BRWD1: variants seen among roughly 807,000 people sequenced by gnomAD.
The protein encoded by BRWD1 is bromodomain and WD repeat domain containing 1.
In BRWD1, 82 loss-of-function variants were observed where a neutral mutation model predicts 251.2. The ratio of observed to expected loss-of-function variants is 0.33; its 90% CI spans 0.27 to 0.39. The LOEUF (loss-of-function observed/expected upper bound fraction) is 0.39, where lower values mean the gene tolerates loss of function less well. Ranked by LOEUF, BRWD1 falls within the 10% of genes least tolerant of loss-of-function variation. The probability of loss-of-function intolerance (pLI) is 1.00; values close to 1 mark genes in which losing one functional copy is unlikely to be tolerated. For missense variants in BRWD1, 2,233 were observed against 2,711.6 expected, an observed-to-expected ratio of 0.82 and a Z score of 3.92; for synonymous variants, 918 against 902.8, an observed-to-expected ratio of 1.02 and a Z score of -0.30.
intron 12 of BRWD1, among the ~76,000 whole-genome samples, 191 bp from the exon 13 acceptor site, chr21:39,274,663 G>A (rs1169686942): frequency 6.6e-6 from 1 of 152,168 alleles, no homozygotes; most frequent in African/African-American, 2.4e-5. Flanking sequence ...GCTATGATTT[G>A]CCCGGCCCTA....
intron 18 of BRWD1, among the ~76,000 whole-genome samples, chr21:39,256,439 A>T (rs2034565013): frequency 6.6e-6 from 1 of 152,234 alleles, no homozygotes; most frequent in African/African-American, 2.4e-5. Context: ...ATGGTTATTA[A>T]AAAGTCAAAC....
In BRWD1 at chr21:39,189,531, G is replaced by T. The variant is rs1298949763; in HGVS notation, c.*6728C>A. On this transcript the variant is annotated 3_prime_UTR_variant, in exon 41 of 41. Coordinates refer to ENST00000342449, the MANE Select transcript of BRWD1 (RefSeq NM_033656.4). ...TTTTAAAAAATACTTAAGGAAATTT[G>T]AACTTCAGTAACTATGCCCAAGGGA... The T allele has an allele frequency of 2.0e-6, 2 of 981,994 alleles. No homozygotes were observed. Among genetic ancestry groups the T allele is most frequent in the Non-Finnish European group, 2.4e-6 (2 of 827,092 alleles). The allele number at this position is 981,994 out of a possible 1,614,324, so 60.8% of individuals were successfully genotyped here.
chr21:39,207,291 C>T (rs1229495728), intron 36 of BRWD1, among the ~76,000 whole-genome samples: 1 of 151,826 alleles, frequency 6.6e-6, no homozygotes, highest in African/African-American at 2.4e-5. Flanking sequence ...AATAATTAGC[C>T]GGGCATGGTG....
At chr21:39,204,206 G>A (rs939711583) in intron 37 of BRWD1, among the ~76,000 whole-genome samples, 2 of 148,598 alleles carry the variant, frequency 1.3e-5, no homozygotes, top group Non-Finnish European at 3.0e-5. Flanking sequence ...GGAAGGGGAT[G>A]GAAGGAAGCT....
chr21:39,296,998 A>G (rs2035978862), intron 5 of BRWD1: 20 of 985,272 alleles, frequency 2.0e-5, no homozygotes, highest in Admixed American at 6.2e-5. Context: ...AATAAATTAT[A>G]TAGCTTTCCC....
chr21:39,269,828 C>G, intron 15 of BRWD1, 71 bp downstream of exon 15: 2 of 1,292,368 alleles, frequency 1.5e-6, no homozygotes, highest in African/African-American at 1.5e-5. Flanking sequence ...CAATTTCTGG[C>G]TAAGCCGCAT....
In BRWD1 at chr21:39,190,252, C is replaced by T. The variant is rs1356815611; in HGVS notation, c.*6007G>A. 1 of 981,306 alleles carries T rather than the reference C, an allele frequency of 1.0e-6. No individual in the cohort carries two copies. Among genetic ancestry groups the T allele is most frequent in the Non-Finnish European group, 1.2e-6 (1 of 826,676 alleles). The allele number at this position is 981,306 out of a possible 1,614,324, so 60.8% of individuals were successfully genotyped here. On this transcript the variant is annotated 3_prime_UTR_variant, in exon 41 of 41. Transcript: ENST00000342449. The stretch of plus-strand genomic sequence containing the variant: ...AGACTTTTTTTTAATTTTTAAGCTA[C>T]CTTATTTACAGATTCTGCACAATAT...
chr21:39,199,193 A>C lies in BRWD1; in HGVS notation c.5223T>G (p.His1741Gln). Residue 1741 changes from histidine (H) to glutamine (Q), a missense_variant, in exon 40 of 41, where the codon CAT becomes CAG. Around this residue, in one of 12 missense-constraint regions of BRWD1, gnomAD observed 928 missense variants for 970.0 expected, o/e 0.96. Transcript: ENST00000342449. ...KNWHANGYKS[H>Q]TPAPSKTKFL... ...ATTTTGTCTTTGAAGGTGCTGGAGT[A>C]TGGGACTTGTAACCATTAGCATGCC... 6.2e-7 allele frequency: 1 copy of C among 1,614,194 alleles called. No individual in the cohort carries two copies. Among genetic ancestry groups the C allele is most frequent in the Non-Finnish European group, 8.5e-7 (1 of 1,180,040 alleles).
At chr21:39,197,465 A>G in intron 40 of BRWD1, 50 bp from the exon 41 acceptor site, 1 of 1,402,798 alleles carries the variant, frequency 7.1e-7, no homozygotes, top group Non-Finnish European at 9.7e-7. Context: ...GTCTAAAGGA[A>G]TTATATGTTC....
intron 22 of BRWD1, among the ~76,000 whole-genome samples, 194 bp downstream of exon 22, chr21:39,238,285 C>CAAAAAAAAAA (rs58179212): frequency 1.6e-5 from 2 of 122,368 alleles, no homozygotes; most frequent in African/African-American, 3.0e-5. Context: ...TGCTTAAAGT[C>CAAAAAAAAAA]AAAAAAAAAA....
upstream of BRWD1, chr21:39,313,818 C>T (rs923639313): frequency 1.1e-5 from 4 of 356,230 alleles, no homozygotes; most frequent in Admixed American, 1.1e-4. Context: ...AGGCAAAGAC[C>T]TGGGCGCCGC....
At chr21:39,262,383 C>A (rs1476932728) in intron 17 of BRWD1, among the ~76,000 whole-genome samples, 1 of 152,166 alleles carries the variant, frequency 6.6e-6, no homozygotes, top group Non-Finnish European at 1.5e-5. Context: ...TAATGAATCT[C>A]AAAAGCACCA....
intron 7 of BRWD1, 127 bp downstream of exon 7, chr21:39,295,616 C>T: frequency 1.6e-6 from 1 of 643,652 alleles, no homozygotes; most frequent in South Asian, 3.8e-5. Context: ...ATTCGTGAGA[C>T]CCACACCATA....
intron 8 of BRWD1, among the ~76,000 whole-genome samples, chr21:39,290,835 A>G (rs756268559): frequency 3.3e-5 from 5 of 152,196 alleles, no homozygotes; most frequent in Non-Finnish European, 7.4e-5. Context: ...AACTTCCAAA[A>G]TAAAACACTA....
chr21:39,254,947 C>T (rs914290749), intron 19 of BRWD1, among the ~76,000 whole-genome samples: 2 of 152,036 alleles, frequency 1.3e-5, no homozygotes, highest in African/African-American at 2.4e-5. Context: ...TACTGAGAAA[C>T]CAAGGTACGG....
intron 27 of BRWD1, among the ~76,000 whole-genome samples, chr21:39,227,940 C>A (rs1014737926): frequency 3.9e-5 from 6 of 152,118 alleles, no homozygotes; most frequent in South Asian, 2.1e-4. Flanking sequence ...TGAAAATAAT[C>A]TTTTCCAAAC....
intron 10 of BRWD1, 87 bp from the exon 11 acceptor site, chr21:39,277,438 A>G: frequency 1.2e-6 from 1 of 840,590 alleles, no homozygotes; most frequent in Non-Finnish European, 1.7e-6. Context: ...ATAAAAAAGA[A>G]AGATCATTTA....
At chr21:39,214,700 A>G (rs2032808153) in intron 32 of BRWD1, among the ~76,000 whole-genome samples, 1 of 152,130 alleles carries the variant, frequency 6.6e-6, no homozygotes, top group Admixed American at 6.5e-5. Context: ...ACTAGATGAA[A>G]GGCAAATGGC....
chr21:39,255,276 G>T (rs2034524730), intron 19 of BRWD1, among the ~76,000 whole-genome samples: 1 of 152,036 alleles, frequency 6.6e-6, no homozygotes, highest in Admixed American at 6.6e-5. Context: ...GCTGGGTGTG[G>T]TGGCGGGCGC....
Sources: gnomAD v4.1 joint callset for allele counts (sites outside exome capture counted in the v4.1 genomes callset) on GRCh38, gnomAD v4.1.1 for gene constraint, gnomAD v4.1.1 regional missense constraint, MANE v1.5 for transcripts, NCBI Gene and HGNC (gene_info 2026-07-23, HGNC 2026-07-21) for gene names.